The following SPON1 variants were observed in gnomAD, a reference collection of about 807,000 sequenced individuals.
The protein encoded by SPON1 is spondin 1, also known as spondin-1.
A neutral mutation model predicts 111.7 loss-of-function variants in SPON1; 52 were observed. The ratio of observed to expected loss-of-function variants is 0.47; its 90% CI spans 0.37 to 0.59. SPON1 has a LOEUF of 0.59. Ranked by LOEUF, SPON1 falls within the 20% of genes least tolerant of loss-of-function variation. The probability of loss-of-function intolerance (pLI) is 0.00; values close to 1 mark genes in which losing one functional copy is unlikely to be tolerated. For synonymous variants in SPON1, 410 were observed against 395.8 expected (o/e 1.04, Z -0.43); for missense variants, 957 against 1,068.5 (o/e 0.90, Z 1.46).
intron 14 of SPON1, among the ~76,000 whole-genome samples, chr11:14,261,802 C>A (rs1849186473): frequency 6.6e-6 from 1 of 152,016 alleles, no homozygotes; most frequent in African/African-American, 2.4e-5. Flanking sequence ...ATTTATGGAG[C>A]ACTTACAGGG....
intron 15 of SPON1, 27 bp downstream of exon 15, chr11:14,263,002 T>C: frequency 6.3e-7 from 1 of 1,599,670 alleles, no homozygotes; most frequent in Non-Finnish European, 8.5e-7. Context: ...TCAGCCTGGG[T>C]GGTCTCCAGG....
chr11:14,086,524 G>C (rs1849007790), intron 5 of SPON1, among the ~76,000 whole-genome samples: 1 of 152,162 alleles, frequency 6.6e-6, no homozygotes, highest in Non-Finnish European at 1.5e-5. Flanking sequence ...TAAGCTTTTT[G>C]ATGTGCTGCT....
At chr11:14,243,255 G>C in intron 6 of SPON1, 77 bp from the exon 7 acceptor site, 1 of 1,351,472 alleles carries the variant, frequency 7.4e-7, no homozygotes, top group Non-Finnish European at 1.0e-6. Flanking sequence ...GGGGGTGAAT[G>C]GTGTCACCAG....
chr11:13,975,471 G>A (rs782344646), intron 1 of SPON1, among the ~76,000 whole-genome samples: 7 of 152,304 alleles, frequency 4.6e-5, no homozygotes, highest in East Asian at 1.9e-4. Context: ...AGATGCAGTG[G>A]AGTTCAAGAC....
At chr11:13,992,799 T>C (rs1848241406) in intron 2 of SPON1, among the ~76,000 whole-genome samples, 1 of 151,902 alleles carries the variant, frequency 6.6e-6, no homozygotes, top group Non-Finnish European at 1.5e-5. Context: ...TCCCCTTGTG[T>C]AGGGGAGAAA....
intron 5 of SPON1, among the ~76,000 whole-genome samples, chr11:14,128,081 A>G (rs1554927190): frequency 6.6e-6 from 1 of 152,178 alleles, no homozygotes. Flanking sequence ...ACACAGAGCC[A>G]AACCATATCA....
intron 15 of SPON1, among the ~76,000 whole-genome samples, chr11:14,263,934 C>T (rs1849225501): frequency 6.6e-6 from 1 of 151,534 alleles, no homozygotes; most frequent in African/African-American, 2.4e-5. Context: ...GAGGCTGAAG[C>T]AGGAGAATCA....
chr11:14,161,675 GAAAT>G (rs1554931360), intron 6 of SPON1, among the ~76,000 whole-genome samples: 8 of 151,908 alleles, frequency 5.3e-5, no homozygotes, highest in African/African-American at 1.7e-4. Flanking sequence ...AGCCTATTTT[GAAAT>G]AACTGTTGAA....
intron 6 of SPON1, among the ~76,000 whole-genome samples, chr11:14,144,670 TGAA>T (rs140929580): frequency 0.014 from 2,031 of 145,536 alleles, 53 homozygotes; most frequent in African/African-American, 0.05. Flanking sequence ...ATAATAATAA[TGAA>T]AAATAAAAAG....
chr11:14,102,565 C>A (rs1849152337), intron 5 of SPON1, among the ~76,000 whole-genome samples: 1 of 152,134 alleles, frequency 6.6e-6, no homozygotes, highest in South Asian at 2.1e-4. Context: ...TGTAGCAAAT[C>A]AAAAATAAAA....
intron 2 of SPON1, among the ~76,000 whole-genome samples, chr11:13,999,597 G>C (rs1170726410): frequency 6.6e-6 from 1 of 151,996 alleles, no homozygotes; most frequent in Non-Finnish European, 1.5e-5. Context: ...GTAGAGATGG[G>C]GGTTTCGCCA....
intron 6 of SPON1, among the ~76,000 whole-genome samples, chr11:14,167,917 G>C (rs1357955120): frequency 2.0e-5 from 3 of 152,058 alleles, no homozygotes; most frequent in Non-Finnish European, 4.4e-5. Flanking sequence ...CTTCAGTTTT[G>C]TCCCATTACT....
intron 3 of SPON1, among the ~76,000 whole-genome samples, chr11:14,072,894 A>T (rs987247004): frequency 5.3e-5 from 8 of 152,130 alleles, no homozygotes; most frequent in African/African-American, 1.9e-4. Flanking sequence ...GTGAAATGCC[A>T]TCTCCCTGCA....
intron 4 of SPON1, among the ~76,000 whole-genome samples, chr11:14,076,849 T>C (rs1848921916): frequency 6.6e-6 from 1 of 152,218 alleles, no homozygotes; most frequent in Non-Finnish European, 1.5e-5. Context: ...AGCTGGAATC[T>C]GCAGTCCAGA....
chr11:14,167,831 TA>T (rs1848048709), intron 6 of SPON1, among the ~76,000 whole-genome samples: 1 of 152,140 alleles, frequency 6.6e-6, no homozygotes, highest in Admixed American at 6.6e-5. Flanking sequence ...TAATTTCTCT[TA>T]AATCTTAGCC....
chr11:14,232,473 A>G (rs1388706245), intron 6 of SPON1, among the ~76,000 whole-genome samples: 2 of 152,130 alleles, frequency 1.3e-5, no homozygotes, highest in Non-Finnish European at 2.9e-5. Context: ...GCCTGTAACC[A>G]CTAACCAGAG....
chr11:14,104,680 A>G (rs1419013655), intron 5 of SPON1, among the ~76,000 whole-genome samples: 1 of 152,076 alleles, frequency 6.6e-6, no homozygotes, highest in Non-Finnish European at 1.5e-5. Context: ...TTGTTTACTT[A>G]TCTCTTCAAT....
At chr11:14,163,417 G>A (rs868995594) in intron 6 of SPON1, among the ~76,000 whole-genome samples, 18 of 152,204 alleles carry the variant, frequency 1.2e-4, no homozygotes, top group African/African-American at 3.4e-4. Flanking sequence ...GTGGGCTCCC[G>A]CCTGTCAGGC....
chr11:14,245,228 A>C (rs1848975702), intron 7 of SPON1, among the ~76,000 whole-genome samples: 1 of 152,134 alleles, frequency 6.6e-6, no homozygotes, highest in African/African-American at 2.4e-5. Flanking sequence ...CTCATAGCTG[A>C]CTGCCTGGGA....
Sources: gnomAD v4.1 joint callset for allele counts (sites outside exome capture counted in the v4.1 genomes callset) on GRCh38, gnomAD v4.1.1 for gene constraint, MANE v1.5 for transcripts, NCBI Gene and HGNC (gene_info 2026-07-23, HGNC 2026-07-21) for gene names.